The following NTM variants were observed in gnomAD, a reference collection of about 807,000 sequenced individuals.
The protein encoded by NTM is neurotrimin, also known as IgLON family member 2.
A neutral mutation model predicts 42.1 loss-of-function variants in NTM; 13 were observed. That is an observed-to-expected ratio of 0.31 (90% CI 0.20 to 0.49). The LOEUF (loss-of-function observed/expected upper bound fraction) is 0.49. Among genes scored for constraint, NTM ranks in the 20% least tolerant of loss-of-function variants. The pLI, the probability that NTM is intolerant of heterozygous loss-of-function variation, is 0.99. For synonymous variants in NTM, 187 were observed against 179.2 expected (o/e 1.04, Z -0.35); for missense variants, 373 against 452.8 (o/e 0.82, Z 1.60).
At chr11:132,130,836 G>A (rs2066684954) in intron 2 of NTM, among the ~76,000 whole-genome samples, 2 of 152,154 alleles carry the variant, frequency 1.3e-5, no homozygotes, top group African/African-American at 4.8e-5. Context: ...AGAACTGCAC[G>A]GCTGAGGCCG....
intron 1 of NTM, among the ~76,000 whole-genome samples, chr11:131,506,045 G>A (rs12224432): frequency 0.12 from 18,318 of 151,994 alleles, 1,672 homozygotes; most frequent in African/African-American, 0.25. Flanking sequence ...TTATCACTCC[G>A]GGAATGGAGT....
chr11:131,749,310 G>A (rs559268602), intron 1 of NTM, among the ~76,000 whole-genome samples: 10 of 152,318 alleles, frequency 6.6e-5, no homozygotes, highest in African/African-American at 2.4e-4. Context: ...CATGTAATAA[G>A]GGAATGATAC....
At chr11:132,176,115 G>A (rs923384341) in intron 3 of NTM, among the ~76,000 whole-genome samples, 2 of 152,044 alleles carry the variant, frequency 1.3e-5, no homozygotes, top group Non-Finnish European at 2.9e-5. Context: ...GTCACATTTC[G>A]ATTTTCCTGT....
intron 3 of NTM, among the ~76,000 whole-genome samples, chr11:132,210,495 C>T (rs553599296): frequency 6.6e-6 from 1 of 152,076 alleles, no homozygotes; most frequent in Non-Finnish European, 1.5e-5. Flanking sequence ...AAGCTCATGG[C>T]CTAGTGGGTG....
intron 1 of NTM, among the ~76,000 whole-genome samples, chr11:131,676,439 G>C (rs141262035): frequency 6.6e-6 from 1 of 151,192 alleles, no homozygotes; most frequent in African/African-American, 2.4e-5. Flanking sequence ...GTGTGTATCT[G>C]TGTGTGTGTG....
intron 1 of NTM, among the ~76,000 whole-genome samples, chr11:131,666,701 C>A (rs933222025): frequency 4.6e-5 from 7 of 152,174 alleles, no homozygotes; most frequent in Non-Finnish European, 7.3e-5. Context: ...AGTCCTCAGC[C>A]TCTCTGGTCC....
chr11:131,925,204 T>C (rs1161414630), intron 2 of NTM, among the ~76,000 whole-genome samples: 1 of 152,184 alleles, frequency 6.6e-6, no homozygotes, highest in Non-Finnish European at 1.5e-5. Flanking sequence ...TACTCATTAA[T>C]GGCTGGAGGT....
At chr11:131,656,601 G>T (rs1453864553) in intron 1 of NTM, among the ~76,000 whole-genome samples, 1 of 152,210 alleles carries the variant, frequency 6.6e-6, no homozygotes, top group Non-Finnish European at 1.5e-5. Context: ...GCAGGTCACA[G>T]GAGGCAGAGC....
chr11:132,321,093 A>C (rs1168105061), intron 7 of NTM, among the ~76,000 whole-genome samples: 1 of 152,078 alleles, frequency 6.6e-6, no homozygotes, highest in Non-Finnish European at 1.5e-5. Flanking sequence ...GAACAGAAAA[A>C]CTGGAAACTC....
chr11:132,244,059 G>A (rs76672754), intron 4 of NTM, among the ~76,000 whole-genome samples: 95 of 152,308 alleles, frequency 6.2e-4, no homozygotes, highest in African/African-American at 2.1e-3. Context: ...CTGCAGATCC[G>A]TAAATCATTC....
chr11:131,402,142 C>A (rs1455744069), intron 1 of NTM, among the ~76,000 whole-genome samples: 1 of 151,754 alleles, frequency 6.6e-6, no homozygotes, highest in Non-Finnish European at 1.5e-5. Flanking sequence ...CATTTGGCTT[C>A]ACAGAGCCCT....
At chr11:132,099,733 G>A (rs989124586) in intron 2 of NTM, among the ~76,000 whole-genome samples, 2 of 152,088 alleles carry the variant, frequency 1.3e-5, no homozygotes, top group African/African-American at 2.4e-5. Context: ...GCTACTTTCC[G>A]GATAACAAGC....
intron 1 of NTM, among the ~76,000 whole-genome samples, chr11:131,388,726 G>T (rs1013157869): frequency 1.3e-5 from 2 of 151,956 alleles, no homozygotes. Flanking sequence ...GAAAGATGGT[G>T]GTTGGCCTGG....
In NTM at chr11:131,674,047, C is replaced by G. The variant is rs147211781; in HGVS notation, c.83-237517C>G. Among the ~76,000 whole-genome samples the G allele has an allele frequency of 5.0e-3, 765 of 152,290 alleles. 8 individuals carry two copies. The highest frequency in any genetic ancestry group is 0.018 in the African/African-American group (733 of 41,550). ...CAAGTGAAAATATGTTATTTTACAA[C>G]CTTGATACTTCTGACCTCATGGAAA... On this transcript the variant is annotated intron_variant, in intron 1 of 8. Transcript: ENST00000683400.
chr11:132,269,854 T>C (rs2093393315), intron 4 of NTM, among the ~76,000 whole-genome samples: 1 of 152,250 alleles, frequency 6.6e-6, no homozygotes, highest in Non-Finnish European at 1.5e-5. Context: ...TCAAGTGATT[T>C]GTGTGTGGTT....
At chr11:131,670,186 G>A (rs998009157) in intron 1 of NTM, among the ~76,000 whole-genome samples, 23 of 152,042 alleles carry the variant, frequency 1.5e-4, no homozygotes, top group Admixed American at 3.9e-4. Flanking sequence ...AACAGAAGGC[G>A]CCCCAAAAGC....
intron 2 of NTM, among the ~76,000 whole-genome samples, chr11:132,084,515 AAG>A (rs956774786): frequency 3.9e-5 from 6 of 152,152 alleles, no homozygotes; most frequent in African/African-American, 1.4e-4. Context: ...TGGCATCCAA[AAG>A]AGAGAGTTCA....
intron 4 of NTM, among the ~76,000 whole-genome samples, chr11:132,282,002 G>A (rs1346656404): frequency 6.6e-6 from 1 of 152,168 alleles, no homozygotes; most frequent in African/African-American, 2.4e-5. Context: ...ATTGCCAAAA[G>A]CAACTACGTA....
chr11:132,259,057 C>T (rs1197291603), intron 4 of NTM, among the ~76,000 whole-genome samples: 1 of 152,162 alleles, frequency 6.6e-6, no homozygotes, highest in Non-Finnish European at 1.5e-5. Context: ...CATTGACCAC[C>T]TCCCCTGCCT....
Sources: allele counts gnomAD v4.1 joint callset (sites outside exome capture counted in the v4.1 genomes callset), GRCh38; gene constraint gnomAD v4.1.1; transcripts MANE v1.5; gene names NCBI Gene and HGNC (gene_info 2026-07-23, HGNC 2026-07-21).